Variants in TEKTIP1 observed in about 807,000 individuals in gnomAD.
TEKTIP1 encodes the protein tektin bundle-interacting protein 1.
At chr19:3,543,201 A>G in the TEKTIP1 span, 19 of 1,533,378 alleles carry the variant, frequency 1.2e-5, no homozygotes, top group Admixed American at 5.9e-5. Flanking sequence ...CGCTGTAGAC[A>G]TGGGCTCAGT....
chr19:3,542,402 C>G, the TEKTIP1 span: 5,715 of 985,436 alleles, frequency 5.8e-3, 14 homozygotes, highest in Non-Finnish European at 6.5e-3. Flanking sequence ...GGCCAGCAAC[C>G]TTGTTTTCTG....
the TEKTIP1 span, chr19:3,543,630 G>C: frequency 3.9e-6 from 6 of 1,544,528 alleles, no homozygotes; most frequent in Non-Finnish European, 4.4e-6. Context: ...CCCAGCACCC[G>C]GTGGGGGAGC....
At chr19:3,539,185 C>A in the TEKTIP1 span, 33 of 1,550,350 alleles carry the variant, frequency 2.1e-5, no homozygotes, top group Admixed American at 5.3e-4. Context: ...GACATGCAAA[C>A]CCTCAGGCAA....
chr19:3,540,721 A>C, the TEKTIP1 span, among the ~76,000 whole-genome samples: 4 of 151,274 alleles, frequency 2.6e-5, no homozygotes, highest in Non-Finnish European at 5.9e-5. Context: ...CTCTACTAAA[A>C]ATACAAAATT....
the TEKTIP1 span, chr19:3,539,361 C>T: frequency 1.4e-6 from 1 of 703,680 alleles, no homozygotes; most frequent in East Asian, 2.8e-5. Flanking sequence ...GCACGTGTCA[C>T]TCGTTATTCC....
At chr19:3,539,576 T>A in the TEKTIP1 span, 1 of 351,804 alleles carries the variant, frequency 2.8e-6, no homozygotes, top group East Asian at 4.5e-5. Context: ...GCTGGGCCCT[T>A]CTGTGGCTGA....
the TEKTIP1 span, chr19:3,539,689 C>G: frequency 5.7e-6 from 1 of 176,688 alleles, no homozygotes; most frequent in African/African-American, 2.4e-5. Context: ...GCCTTCCTGT[C>G]TGCGTCCAAG....
chr19:3,541,737 G>C, the TEKTIP1 span: 2 of 985,396 alleles, frequency 2.0e-6, no homozygotes, highest in Non-Finnish European at 2.4e-6. Context: ...ACACCAGAAA[G>C]TAGTGAGTGG....
At chr19:3,543,452 C>T in the TEKTIP1 span, 78 of 1,541,364 alleles carry the variant, frequency 5.1e-5, no homozygotes, top group African/African-American at 4.2e-4. Flanking sequence ...CTACCAACAC[C>T]GTGAGTGCAG....
At chr19:3,543,884 GCCCT>G in the TEKTIP1 span, 15 of 1,550,674 alleles carry the variant, frequency 9.7e-6, no homozygotes, top group Non-Finnish European at 1.2e-5. Context: ...CAGACTACGT[GCCCT>G]CCCTGTCGGC....
At chr19:3,539,713 A>G in the TEKTIP1 span, 548 of 167,874 alleles carry the variant, frequency 3.3e-3, 3 homozygotes, top group Non-Finnish European at 5.4e-3. Flanking sequence ...CCCTCTCCTT[A>G]TAAGGGTGCC....
At chr19:3,540,705 C>A in the TEKTIP1 span, among the ~76,000 whole-genome samples, 4 of 150,440 alleles carry the variant, frequency 2.7e-5, no homozygotes, top group African/African-American at 4.9e-5. Context: ...CATGGTGAAA[C>A]CCCGTCTCTA....
the TEKTIP1 span, chr19:3,543,235 C>T: frequency 1.6e-5 from 25 of 1,542,496 alleles, no homozygotes; most frequent in East Asian, 4.9e-5. Flanking sequence ...CCACCCTCAG[C>T]GATGACTACC....
the TEKTIP1 span, chr19:3,539,436 C>T: frequency 1.7e-6 from 1 of 588,468 alleles, no homozygotes; most frequent in Non-Finnish European, 3.1e-6. Flanking sequence ...AGTGGCCGCT[C>T]ACTGTGGGGG....
At chr19:3,540,267 T>A in the TEKTIP1 span, among the ~76,000 whole-genome samples, 1 of 150,078 alleles carries the variant, frequency 6.7e-6, no homozygotes, top group Non-Finnish European at 1.5e-5. Context: ...TAATTTTTGT[T>A]TTTTTTTTTG....
At chr19:3,543,473 G>T in the TEKTIP1 span, 4 of 1,532,548 alleles carry the variant, frequency 2.6e-6, no homozygotes, top group Non-Finnish European at 3.5e-6. Flanking sequence ...CATGCCATCG[G>T]GTGAGTGCCC....
At chr19:3,542,754 T>C in the TEKTIP1 span, 5 of 1,348,104 alleles carry the variant, frequency 3.7e-6, no homozygotes, top group Non-Finnish European at 4.9e-6. Context: ...AAGTGCTGGG[T>C]TTACAAGCGT....
the TEKTIP1 span, chr19:3,541,624 G>C: frequency 1.0e-6 from 1 of 984,536 alleles, no homozygotes; most frequent in Non-Finnish European, 1.2e-6. Context: ...CCCAGTGCAA[G>C]ACCCTATTTC....
At chr19:3,543,074 G>T in the TEKTIP1 span, 3 of 1,587,310 alleles carry the variant, frequency 1.9e-6, no homozygotes, top group Non-Finnish European at 2.6e-6. Flanking sequence ...CCACTCTGGG[G>T]TGAGGGGTAC....
Sources: allele counts gnomAD v4.1 joint callset (sites outside exome capture counted in the v4.1 genomes callset), GRCh38; gene constraint gnomAD v4.1.1; transcripts MANE v1.5; gene names NCBI Gene and HGNC (gene_info 2026-07-23, HGNC 2026-07-21).